Variants in HEATR6 observed in about 807,000 individuals in gnomAD.
HEATR6 encodes the protein HEAT repeat containing 6.
In HEATR6, 106 loss-of-function variants were observed where a neutral mutation model predicts 132.8. The ratio of observed to expected loss-of-function variants is 0.80; its 90% CI spans 0.68 to 0.94. HEATR6 has a LOEUF of 0.94. HEATR6 is among the 40% of genes least tolerant of loss of function. The pLI is 0.00. For synonymous variants in HEATR6, 529 were observed against 537.8 expected (o/e 0.98, Z 0.23); for missense variants, 1,339 against 1,425.1 (o/e 0.94, Z 0.97).
Position 60,044,146 on chromosome 17 carries a change from CCA to C in HEATR6, c.2975-14_2975-13del, listed in dbSNP as rs1906284299. ...CCATGGGGCTGTCCCTAGAAAGAATCCACAGTCACTAAAACAAATGCAGGCTT... is the reference window on the plus strand; with the variant it reads ...CCATGGGGCTGTCCCTAGAAAGAATCCAGTCACTAAAACAAATGCAGGCTT... On this transcript the variant is annotated splice_polypyrimidine_tract_variant and intron_variant, in intron 19 of 19. Transcript: ENST00000184956. 1.3e-6 allele frequency: 2 copies of C among 1,587,908 alleles called. No individual in the cohort carries two copies. Among genetic ancestry groups the C allele is most frequent in the African/African-American group, 1.3e-5 (1 of 74,160 alleles).
chr17:60,075,939 T>C, intron 2 of HEATR6, 191 bp downstream of exon 2: 1 of 423,926 alleles, frequency 2.4e-6, no homozygotes. Flanking sequence ...AACAAACTTC[T>C]AGAATTCTAC....
chr17:60,067,077 C>T lies in HEATR6; in HGVS notation c.1238+357G>A, dbSNP rs1047138458. ...CGAGGTCAGGAGATCGAGACCATCC[C>T]GGCTAAAACGGTGAAACCCCGTCTC... On this transcript the variant is annotated intron_variant, in intron 8 of 19. Coordinates refer to ENST00000184956, the MANE Select transcript of HEATR6 (RefSeq NM_022070.5). 1.0e-3 allele frequency among the ~76,000 whole-genome samples: 159 copies of T among 151,692 alleles called. 1 individual carries two copies. Among genetic ancestry groups the T allele is most frequent in the South Asian group, 2.1e-4 (1 of 4,800 alleles).
At chr17:60,045,964 A>G in intron 19 of HEATR6, 61 bp downstream of exon 19, 1 of 1,202,028 alleles carries the variant, frequency 8.3e-7, no homozygotes. Context: ...TTTAACAACA[A>G]CGTAGATTGG....
At chr17:60,065,601 A>G (rs1336041058) in intron 9 of HEATR6, among the ~76,000 whole-genome samples, 1 of 152,210 alleles carries the variant, frequency 6.6e-6, no homozygotes, top group Non-Finnish European at 1.5e-5. Flanking sequence ...AAGCCATGAG[A>G]TATCTTGCTA....
At chr17:60,058,179 A>G (rs1434810126) in intron 11 of HEATR6, among the ~76,000 whole-genome samples, 1 of 152,206 alleles carries the variant, frequency 6.6e-6, no homozygotes, top group Non-Finnish European at 1.5e-5. Flanking sequence ...TTGAGACTGC[A>G]CTGAATCTAT....
At chr17:60,076,262 G>A in intron 1 of HEATR6, 25 bp from the exon 2 acceptor site, 1 of 1,292,982 alleles carries the variant, frequency 7.7e-7, no homozygotes, top group Non-Finnish European at 1.1e-6. Context: ...AAGATAAGAG[G>A]TAAAATACTT....
intron 1 of HEATR6, among the ~76,000 whole-genome samples, chr17:60,077,647 T>A (rs1001917799): frequency 7.2e-5 from 11 of 152,204 alleles, no homozygotes; most frequent in African/African-American, 2.2e-4. Flanking sequence ...CATTTACCAA[T>A]ACGTATTGAA....
At chr17:60,078,387 T>A (rs1284240821) in intron 1 of HEATR6, among the ~76,000 whole-genome samples, 1 of 152,196 alleles carries the variant, frequency 6.6e-6, no homozygotes, top group East Asian at 1.9e-4. Context: ...CAACCAAGTG[T>A]TCTGGGTGCA....
intron 2 of HEATR6, among the ~76,000 whole-genome samples, chr17:60,074,455 AG>A (rs971131457): frequency 6.6e-6 from 1 of 152,250 alleles, no homozygotes; most frequent in African/African-American, 2.4e-5. Context: ...ACAGGTGATC[AG>A]GAACATCTCC....
Position 60,047,400 on chromosome 17 carries a change from G to A in HEATR6, c.2678C>T (p.Thr893Ile), listed in dbSNP as rs114347901. The change falls in exon 18 of 20, where the codon ACA becomes ATA. Residue 893 changes from threonine to isoleucine, a missense_variant. Transcript: ENST00000184956. ...LTDTLIVNME[T>I]PDPSFQEEFS... ...CTCTTCCTGGAAACTTGGGTCTGGT[G>A]TTTCCCTGTTCCACCCAAAGCAGAC... 32 of 1,609,820 alleles carry A rather than the reference G, an allele frequency of 2.0e-5. No homozygotes were observed. In the East Asian group the frequency reaches 6.7e-4, roughly 34 times the overall value.
Position 60,067,619 on chromosome 17 carries a change from C to G in HEATR6, c.1053G>C (p.Val351=). The change falls in exon 8 of 20, where the codon GTG becomes GTC. Residue 351 remains valine, a synonymous_variant. Transcript: ENST00000184956. ...ACCAAGTGTTCCCTTCATGCAGGTT[C>G]ACTCTGCCTGTGCCAGTGACTGGGG... The part of the protein sequence containing the change: ...EAAPVTGTGR[V]NLHEGNTWCP... The G allele has an allele frequency of 6.2e-7, 1 of 1,612,734 alleles. No individual in the cohort carries two copies. Among genetic ancestry groups the G allele is most frequent in the Non-Finnish European group, 8.5e-7 (1 of 1,179,456 alleles).
chr17:60,059,519 G>A lies in HEATR6; in HGVS notation c.1626C>T (p.Cys542=). The change falls in exon 11 of 20, where the codon TGC becomes TGT. Residue 542 remains cysteine (C), a splice_region_variant and synonymous_variant. Coordinates refer to ENST00000184956, the MANE Select transcript of HEATR6 (RefSeq NM_022070.5). ...SSQTVTQIIK[C]LANLVSNAPY... ...GTGCATTTGATACTAAATTTGCAAG[G>A]CACTGTAAAACACAAAAAGTAGCTC... 2.5e-6 allele frequency: 4 copies of A among 1,607,616 alleles called. No individual in the cohort carries two copies. Among genetic ancestry groups the A allele is most frequent in the Non-Finnish European group, 3.4e-6 (4 of 1,176,012 alleles).
rs769158209 is a variant in HEATR6 at position 60,067,521 on chromosome 17, G to A, written c.1151C>T (p.Ser384Leu). ...TTTCCAACTGGAAGAACTGAAGGATGAGGAGACTCCATCTTTTTCTGCAGC... is the reference window on the plus strand; with the variant it reads ...TTTCCAACTGGAAGAACTGAAGGATAAGGAGACTCCATCTTTTTCTGCAGC... ...SGAAEKDGVS[S>L]SFSSSSWKRV... The change falls in exon 8 of 20, where the codon TCA becomes TTA. Residue 384 changes from serine to leucine, a missense_variant. Physicochemically the swap from Ser to Leu is moderately radical, Grantham distance 145. Coordinates refer to ENST00000184956, the MANE Select transcript of HEATR6 (RefSeq NM_022070.5). The A allele has an allele frequency of 6.8e-6, 11 of 1,612,668 alleles. No individual in the cohort carries two copies. In the African/African-American group the frequency reaches 1.2e-4, roughly 18 times the overall value.
At chr17:60,077,523 G>A (rs2083302776) in intron 1 of HEATR6, among the ~76,000 whole-genome samples, 1 of 152,192 alleles carries the variant, frequency 6.6e-6, no homozygotes, top group Non-Finnish European at 1.5e-5. Context: ...TTATTCTGTA[G>A]TCAATTCTTT....
At position 60,059,996 on chromosome 17, in the gene HEATR6, G is replaced by A. The variant is rs1384643640; in HGVS notation, c.1517C>T (p.Thr506Ile). Residue 506 changes from threonine to isoleucine, a missense_variant, in exon 10 of 20, where the codon ACC becomes ATC. Transcript: ENST00000184956. The part of the protein sequence containing the change: ...EDTSDHRRAF[T>I]PFSVMIACSI... ...GCAAGCGATCATTACGGAGAAGGGGGTAAAAGCCCTTCTGTGGTCACTGGT... is the reference window on the plus strand; with the variant it reads ...GCAAGCGATCATTACGGAGAAGGGGATAAAAGCCCTTCTGTGGTCACTGGT... 2 of 1,613,308 alleles carry A rather than the reference G, an allele frequency of 1.2e-6. No homozygotes were observed. The highest frequency in any genetic ancestry group is 1.7e-6 in the Non-Finnish European group (2 of 1,179,302).
At chr17:60,046,811 T>A (rs1188747227) in intron 18 of HEATR6, among the ~76,000 whole-genome samples, 1 of 152,110 alleles carries the variant, frequency 6.6e-6, no homozygotes, top group Non-Finnish European at 1.5e-5. Flanking sequence ...CATCTTCATA[T>A]CCAGTGAGGT....
rs771635085 is a variant in HEATR6 at position 60,073,167 on chromosome 17, A to C, written c.581T>G (p.Leu194Arg). 1.0e-5 allele frequency: 16 copies of C among 1,581,988 alleles called. No individual in the cohort carries two copies. Among genetic ancestry groups the C allele is most frequent in the Admixed American group, 3.3e-5 (2 of 59,934 alleles). ...AAVHCMANLC[L>R]SVPGQPYLEE... is the part of the protein sequence containing the mutation. ...AAACTTGACTGGAGCCACATACCTG[A>C]GACATAAGTTTGCCATACAATGTAC... The change falls in exon 4 of 20, where the codon CTC (leucine) becomes CGC (arginine). Residue 194 changes from leucine to arginine, a missense_variant. Coordinates refer to ENST00000184956, the MANE Select transcript of HEATR6 (RefSeq NM_022070.5).
intron 9 of HEATR6, among the ~76,000 whole-genome samples, chr17:60,062,522 T>C (rs1425299628): frequency 6.6e-6 from 1 of 152,252 alleles, no homozygotes. Context: ...TAGTCAATCC[T>C]AATTTTTTTC....
intron 4 of HEATR6, 152 bp downstream of exon 4, chr17:60,073,012 A>G (rs2083277538): frequency 4.0e-6 from 2 of 494,484 alleles, no homozygotes; most frequent in Non-Finnish European, 7.2e-6. Context: ...AACAAACAAC[A>G]TAAGATGATT....
Sources: gnomAD v4.1 joint callset for allele counts (sites outside exome capture counted in the v4.1 genomes callset) on GRCh38, gnomAD v4.1.1 for gene constraint, MANE v1.5 for transcripts, NCBI Gene and HGNC (gene_info 2026-07-23, HGNC 2026-07-21) for gene names.